Variants in LRP1B observed in about 807,000 individuals in gnomAD.
The protein encoded by LRP1B is LDL receptor related protein 1B.
LRP1B carries 217 observed loss-of-function variants against 556.6 expected under a neutral mutation model. The observed-to-expected ratio is 0.39, with a 90% CI of 0.35 to 0.44. The LOEUF is 0.44. LRP1B is among the 20% of genes least tolerant of loss of function. The pLI is 1.00. For missense variants in LRP1B, 5,053 were observed against 5,620.8 expected (o/e 0.90, Z 3.23); for synonymous variants, 2,047 against 1,865.8 (o/e 1.10, Z -2.50).
chr2:141,928,065 T>C (rs1700385153), intron 1 of LRP1B, among the ~76,000 whole-genome samples: 1 of 152,156 alleles, frequency 6.6e-6, no homozygotes, highest in African/African-American at 2.4e-5. Flanking sequence ...AGTAGGGCTA[T>C]GCTGTCATTC....
chr2:140,651,907 T>C (rs1317715087), intron 41 of LRP1B, among the ~76,000 whole-genome samples: 3 of 152,150 alleles, frequency 2.0e-5, no homozygotes, highest in African/African-American at 7.2e-5. Context: ...TTCTAACATA[T>C]TACCTTCAGA....
At chr2:140,424,205 T>C (rs1049979122) in intron 66 of LRP1B, among the ~76,000 whole-genome samples, 6 of 152,184 alleles carry the variant, frequency 3.9e-5, no homozygotes, top group African/African-American at 1.4e-4. Context: ...GCATAGATCT[T>C]TTTATCCAGT....
intron 77 of LRP1B, 129 bp from the exon 78 acceptor site, chr2:140,335,967 C>A: frequency 1.6e-6 from 1 of 641,930 alleles, no homozygotes; most frequent in East Asian, 2.7e-5. Flanking sequence ...ATATAGATGT[C>A]AAAAAGATAT....
chr2:141,619,459 G>T (rs1036779749), intron 2 of LRP1B, among the ~76,000 whole-genome samples: 4 of 152,172 alleles, frequency 2.6e-5, no homozygotes, highest in African/African-American at 9.7e-5. Flanking sequence ...TGGAGGAAAT[G>T]ATATTTGATT....
rs1413669839 is a variant in LRP1B at position 140,790,449 on chromosome 2, A to G, written c.5360-14211T>C. Among the ~76,000 whole-genome samples, 5 of 152,112 alleles carry G rather than the reference A, an allele frequency of 3.3e-5. 1 individual carries two copies. The highest frequency in any genetic ancestry group is 3.9e-4 in the East Asian group (2 of 5,170). Reference sequence around the variant, plus strand: ...TTCATGGATTTTTCTCTTTAGTTTCATTTTTATATCCTTAAGTAAGTGTGA... The same window carrying G: ...TTCATGGATTTTTCTCTTTAGTTTCGTTTTTATATCCTTAAGTAAGTGTGA... On this transcript the variant is annotated intron_variant, in intron 32 of 90. Transcript: ENST00000389484.
intron 1 of LRP1B, among the ~76,000 whole-genome samples, chr2:142,085,850 C>T (rs994206605): frequency 4.6e-5 from 7 of 152,114 alleles, no homozygotes; most frequent in African/African-American, 1.2e-4. Flanking sequence ...TGTGATTGAA[C>T]GCTTATCCAG....
chr2:141,545,035 G>T (rs1267739558), intron 2 of LRP1B, among the ~76,000 whole-genome samples: 1 of 152,128 alleles, frequency 6.6e-6, no homozygotes, highest in East Asian at 1.9e-4. Flanking sequence ...CTAATATGAG[G>T]TTTGTACTAG....
chr2:140,735,800 C>T (rs1175150859), intron 35 of LRP1B, among the ~76,000 whole-genome samples: 1 of 152,128 alleles, frequency 6.6e-6, no homozygotes, highest in Non-Finnish European at 1.5e-5. Context: ...CCCAGTCTAA[C>T]CCAACTGGAG....
chr2:142,118,455 C>A (rs1378168525), intron 1 of LRP1B, among the ~76,000 whole-genome samples: 3 of 152,148 alleles, frequency 2.0e-5, no homozygotes, highest in Non-Finnish European at 4.4e-5. Context: ...CTCTTTACAG[C>A]AGGTTTATGG....
intron 7 of LRP1B, among the ~76,000 whole-genome samples, chr2:141,148,349 T>C (rs1184046154): frequency 6.6e-6 from 1 of 152,202 alleles, no homozygotes; most frequent in Non-Finnish European, 1.5e-5. Context: ...AGTAGCTGTG[T>C]AGATAGGCAA....
chr2:140,896,901 G>GAAA (rs1220241939), intron 23 of LRP1B, among the ~76,000 whole-genome samples: 1 of 152,156 alleles, frequency 6.6e-6, no homozygotes, highest in Admixed American at 6.5e-5. Context: ...ATGGAAAACA[G>GAAA]AAAATGAGCA....
intron 79 of LRP1B, among the ~76,000 whole-genome samples, chr2:140,330,302 A>G (rs1680740482): frequency 6.6e-6 from 1 of 151,620 alleles, no homozygotes; most frequent in African/African-American, 2.4e-5. Flanking sequence ...ACAAAGCTGG[A>G]GGCATCACAT....
chr2:142,107,542 G>A (rs555444929), intron 1 of LRP1B, among the ~76,000 whole-genome samples: 4 of 152,078 alleles, frequency 2.6e-5, no homozygotes, highest in Admixed American at 6.6e-5. Context: ...TAGTCTCAAC[G>A]TTTTTGTTTC....
At chr2:141,243,574 G>C (rs1056672193) in intron 5 of LRP1B, among the ~76,000 whole-genome samples, 1 of 152,104 alleles carries the variant, frequency 6.6e-6, no homozygotes, top group Non-Finnish European at 1.5e-5. Context: ...AAAATTTGTA[G>C]TCTTGTATGT....
intron 3 of LRP1B, among the ~76,000 whole-genome samples, chr2:141,432,737 G>A (rs972800185): frequency 6.6e-6 from 1 of 151,972 alleles, no homozygotes; most frequent in Non-Finnish European, 1.5e-5. Context: ...GTTTCTGTAA[G>A]ATTGAGTAAT....
chr2:140,856,555 A>G (rs1003997108), intron 27 of LRP1B, among the ~76,000 whole-genome samples: 1 of 152,200 alleles, frequency 6.6e-6, no homozygotes, highest in Non-Finnish European at 1.5e-5. Context: ...TGTTCTCCAT[A>G]GTAATTATTC....
intron 31 of LRP1B, among the ~76,000 whole-genome samples, chr2:140,831,411 A>G (rs1374406229): frequency 6.6e-6 from 1 of 152,196 alleles, no homozygotes; most frequent in Non-Finnish European, 1.5e-5. Context: ...CACCATGAAC[A>G]TACATGGTAG....
intron 7 of LRP1B, among the ~76,000 whole-genome samples, chr2:141,107,531 A>C (rs559835181): frequency 2.6e-5 from 4 of 152,260 alleles, no homozygotes; most frequent in Admixed American, 2.6e-4. Context: ...CTGTAGTCCC[A>C]GCTACTTGGG....
At chr2:141,599,275 A>G (rs1687648104) in intron 2 of LRP1B, among the ~76,000 whole-genome samples, 1 of 151,504 alleles carries the variant, frequency 6.6e-6, no homozygotes, top group Non-Finnish European at 1.5e-5. Flanking sequence ...AAAAAATTCT[A>G]TTTCTCCATT....
Sources: gnomAD v4.1 joint callset for allele counts (sites outside exome capture counted in the v4.1 genomes callset) on GRCh38, gnomAD v4.1.1 for gene constraint, MANE v1.5 for transcripts, NCBI Gene and HGNC (gene_info 2026-07-23, HGNC 2026-07-21) for gene names.